Variants in NCOA1 observed in about 807,000 individuals in gnomAD.
The protein encoded by NCOA1 is nuclear receptor coactivator 1.
Under a neutral mutation model 150.9 loss-of-function variants are expected in NCOA1, and 35 were observed. The ratio of observed to expected loss-of-function variants is 0.23; its 90% CI spans 0.18 to 0.31. The LOEUF (loss-of-function observed/expected upper bound fraction) is 0.31, where lower values mean the gene tolerates loss of function less well. NCOA1 is among the 10% of genes least tolerant of loss of function. The pLI is 1.00. For synonymous variants in NCOA1, 590 were observed against 630.0 expected (o/e 0.94, Z 0.95); for missense variants, 1,491 against 1,749.3 (o/e 0.85, Z 2.63).
chr2:24,587,860 A>G (rs1347208159), intron 3 of NCOA1, among the ~76,000 whole-genome samples: 2 of 152,174 alleles, frequency 1.3e-5, no homozygotes, highest in Non-Finnish European at 2.9e-5. Context: ...ATGGACAAAA[A>G]TCTGATTCAG....
intron 1 of NCOA1, among the ~76,000 whole-genome samples, chr2:24,525,644 T>G (rs769028097): frequency 1.3e-5 from 2 of 152,030 alleles, no homozygotes; most frequent in Non-Finnish European, 2.9e-5. Context: ...CCTCCTGGGT[T>G]CATGCAATTC....
chr2:24,579,274 A>G (rs760786770), intron 2 of NCOA1, among the ~76,000 whole-genome samples: 1 of 152,172 alleles, frequency 6.6e-6, no homozygotes, highest in African/African-American at 2.4e-5. Context: ...AGAGGGATTT[A>G]TCTGAGGAAA....
intron 19 of NCOA1, among the ~76,000 whole-genome samples, chr2:24,745,083 C>T (rs1663825939): frequency 6.6e-6 from 1 of 151,564 alleles, no homozygotes; most frequent in South Asian, 2.1e-4. Context: ...AAACAAGAAA[C>T]TTTTCTAGAC....
intron 1 of NCOA1, among the ~76,000 whole-genome samples, chr2:24,509,525 GTGAAAAGTT>G (rs1663843285): frequency 6.6e-6 from 1 of 152,208 alleles, no homozygotes; most frequent in African/African-American, 2.4e-5. Flanking sequence ...CTAAGTGACA[GTGAAAAGTT>G]TGGATGGAAA....
At chr2:24,567,966 A>C (rs1273051936) in intron 2 of NCOA1, among the ~76,000 whole-genome samples, 1 of 151,106 alleles carries the variant, frequency 6.6e-6, no homozygotes, top group African/African-American at 2.4e-5. Flanking sequence ...CTGGTCTTGA[A>C]CTCCTGACCT....
chr2:24,767,287 A>T (rs910967634), intron 22 of NCOA1, among the ~76,000 whole-genome samples: 1 of 152,234 alleles, frequency 6.6e-6, no homozygotes, highest in African/African-American at 2.4e-5. Context: ...CAAACAGGAG[A>T]CACAAGTTTG....
At chr2:24,579,863 T>C (rs1667130291) in intron 2 of NCOA1, among the ~76,000 whole-genome samples, 2 of 152,224 alleles carry the variant, frequency 1.3e-5, no homozygotes, top group Non-Finnish European at 2.9e-5. Flanking sequence ...CTGATTTTAT[T>C]AGCTCCCGCT....
intron 1 of NCOA1, among the ~76,000 whole-genome samples, chr2:24,559,533 C>A (rs1051331959): frequency 2.0e-5 from 3 of 152,178 alleles, no homozygotes; most frequent in African/African-American, 7.2e-5. Flanking sequence ...TGGTGCAGAG[C>A]AGGCTTCTCT....
At chr2:24,692,437 T>A (rs1426075879) in intron 9 of NCOA1, among the ~76,000 whole-genome samples, 1 of 152,214 alleles carries the variant, frequency 6.6e-6, no homozygotes, top group Non-Finnish European at 1.5e-5. Context: ...AACTTGGGAA[T>A]GGGACTTTGA....
intron 6 of NCOA1, among the ~76,000 whole-genome samples, chr2:24,670,974 A>T (rs886224005): frequency 2.6e-5 from 4 of 152,194 alleles, no homozygotes; most frequent in South Asian, 4.1e-4. Flanking sequence ...CTCTTTGGAG[A>T]GCAGTTTGTC....
At chr2:24,515,950 A>G (rs1452040784) in intron 1 of NCOA1, among the ~76,000 whole-genome samples, 1 of 152,164 alleles carries the variant, frequency 6.6e-6, no homozygotes, top group Non-Finnish European at 1.5e-5. Flanking sequence ...CCTTCAAGAA[A>G]GAAGTTATTC....
chr2:24,605,837 T>C (rs1421965592), intron 3 of NCOA1, among the ~76,000 whole-genome samples: 1 of 152,222 alleles, frequency 6.6e-6, no homozygotes, highest in African/African-American at 2.4e-5. Flanking sequence ...AAATCTGCCA[T>C]GCATCATCAT....
At chr2:24,612,666 C>T (rs1166559021) in intron 3 of NCOA1, among the ~76,000 whole-genome samples, 1 of 152,004 alleles carries the variant, frequency 6.6e-6, no homozygotes, top group Non-Finnish European at 1.5e-5. Context: ...CTTTCTTCTG[C>T]TTGGTCCAGT....
intron 4 of NCOA1, among the ~76,000 whole-genome samples, chr2:24,657,469 G>A (rs1670999280): frequency 6.6e-6 from 1 of 152,054 alleles, no homozygotes; most frequent in Non-Finnish European, 1.5e-5. Flanking sequence ...CCTAAGAGTT[G>A]GAAATTTTCA....
At chr2:24,664,511 C>T (rs978017074) in intron 5 of NCOA1, among the ~76,000 whole-genome samples, 1 of 152,174 alleles carries the variant, frequency 6.6e-6, no homozygotes, top group Non-Finnish European at 1.5e-5. Context: ...GAGATCGAGA[C>T]CATCCTGGCC....
chr2:24,616,540 A>G (rs1668877981), intron 3 of NCOA1, among the ~76,000 whole-genome samples: 2 of 152,206 alleles, frequency 1.3e-5, no homozygotes, highest in African/African-American at 4.8e-5. Context: ...GGATAAAATG[A>G]TATCGGGGAT....
chr2:24,679,110 C>A (rs935198394), intron 7 of NCOA1, among the ~76,000 whole-genome samples: 1 of 152,162 alleles, frequency 6.6e-6, no homozygotes, highest in African/African-American at 2.4e-5. Context: ...CTAATGTGAA[C>A]CCTTCCGTGT....
chr2:24,546,572 C>T (rs1365824516), intron 1 of NCOA1, among the ~76,000 whole-genome samples: 1 of 152,106 alleles, frequency 6.6e-6, no homozygotes, highest in African/African-American at 2.4e-5. Context: ...AAAATGAAAA[C>T]TTATAACCTG....
At chr2:24,746,820 G>C (rs1663944272) in intron 19 of NCOA1, among the ~76,000 whole-genome samples, 1 of 152,158 alleles carries the variant, frequency 6.6e-6, no homozygotes, top group Admixed American at 6.5e-5. Flanking sequence ...TCCATAGATT[G>C]TACAATACCA....
Sources: gnomAD v4.1 joint callset for allele counts (sites outside exome capture counted in the v4.1 genomes callset) on GRCh38, gnomAD v4.1.1 for gene constraint, MANE v1.5 for transcripts, NCBI Gene and HGNC (gene_info 2026-07-23, HGNC 2026-07-21) for gene names.